The following LILRA1 variants were observed in gnomAD, a reference collection of about 807,000 sequenced individuals.
LILRA1 encodes leukocyte immunoglobulin-like receptor subfamily A member 1.
In LILRA1, 51 loss-of-function variants were observed where a neutral mutation model predicts 51.6. The ratio of observed to expected loss-of-function variants is 0.99; its 90% CI spans 0.79 to 1.25. The LOEUF is 1.25. Among genes scored for constraint, LILRA1 ranks in the 50% most tolerant of loss-of-function variants. The probability of loss-of-function intolerance (pLI) is 0.00; values close to 1 mark genes in which losing one functional copy is unlikely to be tolerated. For missense variants in LILRA1, 660 were observed against 611.7 expected (o/e 1.08, Z -0.83); for synonymous variants, 305 against 248.4 (o/e 1.23, Z -2.14).
chr19:54,595,839 A>C lies in LILRA1; in HGVS notation c.862A>C (p.Ser288Arg), dbSNP rs2063034690. Residue 288 changes from serine to arginine, a missense_variant, in exon 6 of 10, where the codon AGC (serine) becomes CGC (arginine). By Grantham distance (110) the Ser-to-Arg change is moderately radical. Transcript: ENST00000251372. ...SQANFTLGPV[S>R]RSYGGQYRCS... ...GGCCAACTTCACCCTGGGCCCTGTGAGCCGCTCCTACGGGGGCCAGTACAG... is the reference window on the plus strand; with the variant it reads ...GGCCAACTTCACCCTGGGCCCTGTGCGCCGCTCCTACGGGGGCCAGTACAG... 1 of 1,614,058 alleles carries C rather than the reference A, an allele frequency of 6.2e-7. No homozygotes were observed.
At chr19:54,598,864 T>C (rs906454768) in intron 7 of LILRA1, among the ~76,000 whole-genome samples, 9 of 152,158 alleles carry the variant, frequency 5.9e-5, no homozygotes, top group South Asian at 2.1e-4. Flanking sequence ...GGTGAAATCT[T>C]GGCTCACTGC....
intron 3 of LILRA1, 82 bp from the exon 4 acceptor site, chr19:54,594,583 G>A: frequency 6.2e-7 from 1 of 1,610,264 alleles, no homozygotes. Context: ...GACTGATGGG[G>A]GCATCTGGAG....
At chr19:54,599,991 C>A (rs1278919841) in intron 8 of LILRA1, among the ~76,000 whole-genome samples, 1 of 151,990 alleles carries the variant, frequency 6.6e-6, no homozygotes, top group Non-Finnish European at 1.5e-5. Context: ...GGTGTTACTG[C>A]CTATATGAGG....
Position 54,595,850 on chromosome 19 carries a change from C to T in LILRA1, c.873C>T (p.Tyr291=), listed in dbSNP as rs565937333. 1.7e-3 allele frequency: 2,776 copies of T among 1,613,102 alleles called. 8 individuals are homozygous for T. The South Asian group carries it at 0.027, about 16-fold the overall frequency. The part of the protein sequence containing the change: ...NFTLGPVSRS[Y]GGQYRCSGAY... ...CCCTGGGCCCTGTGAGCCGCTCCTA[C>T]GGGGGCCAGTACAGATGCTCCGGTG... The change falls in exon 6 of 10, where the codon TAC becomes TAT. Residue 291 remains tyrosine, a synonymous_variant. Transcript: ENST00000251372.
Position 54,602,352 on chromosome 19 carries a change from C to A in LILRA1, c.*1535C>A, listed in dbSNP as rs1309943607. Among the ~76,000 whole-genome samples the A allele has an allele frequency of 6.6e-6, 1 of 152,186 alleles. No homozygotes were observed. Among genetic ancestry groups the A allele is most frequent in the African/African-American group, 2.4e-5 (1 of 41,446 alleles). ...GAAATGTTATCATTTGCCATCTACC[C>A]TCTAGAATAAAGAAATCTTATTAAG... On this transcript the variant is annotated 3_prime_UTR_variant, in exon 10 of 10. Transcript: ENST00000251372.
At chr19:54,596,545 C>T in intron 7 of LILRA1, 54 bp downstream of exon 7, 56 of 1,603,086 alleles carry the variant, frequency 3.5e-5, no homozygotes, top group Non-Finnish European at 4.4e-5. Flanking sequence ...TCAGGCCCTG[C>T]CCCCCAGGAG....
In LILRA1 at chr19:54,596,270, A is replaced by C. The variant is rs764567082; in HGVS notation, c.1040A>C (p.Gln347Pro). The part of the protein sequence containing the change: ...ASGENVTLLC[Q>P]SWGPFHTFLL... The stretch of plus-strand genomic sequence containing the variant: ...GGAGAGAACGTGACCCTGCTGTGTC[A>C]GTCATGGGGGCCGTTCCACACTTTC... The change falls in exon 7 of 10, where the codon CAG (glutamine) becomes CCG (proline). Residue 347 changes from glutamine (Q) to proline (P), a missense_variant. Coordinates refer to ENST00000251372, the MANE Select transcript of LILRA1 (RefSeq NM_006863.4). The C allele has an allele frequency of 5.6e-6, 9 of 1,613,952 alleles. No individual in the cohort carries two copies. The South Asian group carries it at 9.9e-5, about 18-fold the overall frequency.
rs1188131374 is a variant in LILRA1 at position 54,600,596 on chromosome 19, G to GGA, written c.1351+47_1351+48insAG. 3 of 1,613,304 alleles carry GGA rather than the reference G, an allele frequency of 1.9e-6. 1 individual carries two copies. In the Admixed American group the frequency reaches 5.0e-5, roughly 27 times the overall value. On this transcript the variant is annotated intron_variant, in intron 9 of 9. Coordinates refer to ENST00000251372, the MANE Select transcript of LILRA1 (RefSeq NM_006863.4). ...GTTTACGGTGCTGGGCACAAGGGTT[G>GGA]GGTCCTGTCAAGGGTAAGGAGGTGC...
At chr19:54,599,136 C>T in intron 7 of LILRA1, 100 bp from the exon 8 acceptor site, 1 of 1,330,532 alleles carries the variant, frequency 7.5e-7, no homozygotes, top group Non-Finnish European at 1.0e-6. Context: ...ACCCACCTCT[C>T]CTTGACAGGG....
Position 54,600,678 on chromosome 19 carries a change from C to T in LILRA1, c.1352-21C>T, listed in dbSNP as rs759612960. The T allele has an allele frequency of 4.3e-6, 7 of 1,613,702 alleles. No homozygotes were observed. The African/African-American group carries it at 5.3e-5, about 12-fold the overall frequency. On this transcript the variant is annotated intron_variant, in intron 9 of 9. Transcript: ENST00000251372. ...GTTGATCTGCCCTGACCTCTGTGAC[C>T]TCTTTGCCCACCATCCCCAGCCTCA...
chr19:54,598,006 A>T (rs1210846956), intron 7 of LILRA1, among the ~76,000 whole-genome samples: 1 of 149,586 alleles, frequency 6.7e-6, no homozygotes, highest in African/African-American at 2.5e-5. Flanking sequence ...TTTTGGGTGG[A>T]CTCAACCCTC....
rs370653950 is a variant in LILRA1, at chr19:54,600,742, G to A, written c.1395G>A (p.Met465Ile). 19 of 1,613,978 alleles carry A rather than the reference G, an allele frequency of 1.2e-5. No homozygotes were observed. The African/African-American group carries it at 2.1e-4, about 18-fold the overall frequency. ...QDYTVENLIR[M>I]GIAGLVLVVL... The stretch of plus-strand genomic sequence containing the variant: ...ACACAGTGGAGAATCTCATCCGCAT[G>A]GGCATAGCTGGCTTGGTCCTGGTGG... The change falls in exon 10 of 10, where the codon ATG becomes ATA. Residue 465 changes from methionine (M) to isoleucine (I), a missense_variant. Transcript: ENST00000251372.
intron 7 of LILRA1, 104 bp from the exon 8 acceptor site, chr19:54,599,132 C>T: frequency 7.6e-7 from 1 of 1,313,660 alleles, no homozygotes; most frequent in Non-Finnish European, 1.0e-6. Context: ...GGACACCCAC[C>T]TCTCCTTGAC....
chr19:54,594,294 G>C lies in LILRA1; in HGVS notation c.34+16G>C, dbSNP rs192505529. On this transcript the variant is annotated intron_variant, in intron 2 of 9. Coordinates refer to ENST00000251372, the MANE Select transcript of LILRA1 (RefSeq NM_006863.4). ...ATCTGTCTCAGTGAGATTTGAAGAGGGAGGGGAGCTTCTAACCTAGGAGGG... is the reference window on the plus strand; with the variant it reads ...ATCTGTCTCAGTGAGATTTGAAGAGCGAGGGGAGCTTCTAACCTAGGAGGG... The C allele has an allele frequency of 6.8e-4, 1,095 of 1,612,806 alleles. 13 individuals carry two copies. In the African/African-American group the frequency reaches 0.012, roughly 18 times the overall value.
At position 54,600,535 on chromosome 19, in the gene LILRA1, T is replaced by C. The variant is rs756826730; in HGVS notation, c.1336T>C (p.Ser446Pro). The C allele has an allele frequency of 1.9e-6, 3 of 1,613,858 alleles. No homozygotes were observed. In the South Asian group the frequency reaches 3.3e-5, roughly 18 times the overall value. Residue 446 changes from serine to proline, a missense_variant, in exon 9 of 10, where the codon TCA (serine) becomes CCA (proline). Physicochemically the swap from Ser to Pro is moderately conservative, Grantham distance 74. Coordinates refer to ENST00000251372, the MANE Select transcript of LILRA1 (RefSeq NM_006863.4). ...KAGAANTLSPSQNKTASHPQD... is the reference protein window; with the variant it reads ...KAGAANTLSPPQNKTASHPQD... ...AGGAGCAGCTAACACCCTCAGCCCA[T>C]CACAAAACAAGACTGGTGAGTGAGG...
rs557903710 is a variant in LILRA1, at chr19:54,595,261, A to T, written c.520A>T (p.Thr174Ser). Residue 174 changes from threonine (T) to serine (S), a missense_variant, in exon 5 of 10, where the codon ACC (threonine) becomes TCC (serine). Thr to Ser is a moderately conservative substitution (Grantham distance 58). Coordinates refer to ENST00000251372, the MANE Select transcript of LILRA1 (RefSeq NM_006863.4). ...HPQCLNSQPR[T>S]HGWSRAIFSV... is the part of the protein sequence containing the mutation. ...ACAATGCCTGAACTCACAGCCCCGT[A>T]CCCATGGGTGGTCCCGGGCCATCTT... The T allele has an allele frequency of 6.2e-7, 1 of 1,613,422 alleles. No homozygotes were observed.
Position 54,600,849 on chromosome 19 carries a change from G to A in LILRA1, c.*32G>A. The A allele has an allele frequency of 6.2e-7, 1 of 1,610,948 alleles. No individual in the cohort carries two copies. The highest frequency in any genetic ancestry group is 8.5e-7 in the Non-Finnish European group (1 of 1,177,086). On this transcript the variant is annotated 3_prime_UTR_variant, in exon 10 of 10. Transcript: ENST00000251372. ...GCCGGGAGGTGAACAGCAGAGAGAA[G>A]AATGTACCCTTCAGAGTGGTGGAGC...
At position 54,596,541 on chromosome 19, in the gene LILRA1, C is replaced by T. The variant is rs776506341; in HGVS notation, c.1261+50C>T. The T allele has an allele frequency of 1.2e-5, 20 of 1,610,694 alleles. No homozygotes were observed. In the East Asian group the frequency reaches 3.3e-4, roughly 27 times the overall value. ...CCGAGCTCAAAGGATCAGCTCAGGCCCTGCCCCCCAGGAGAGCTCTGGACA... is the reference window on the plus strand; with the variant it reads ...CCGAGCTCAAAGGATCAGCTCAGGCTCTGCCCCCCAGGAGAGCTCTGGACA... On this transcript the variant is annotated intron_variant, in intron 7 of 9. Coordinates refer to ENST00000251372, the MANE Select transcript of LILRA1 (RefSeq NM_006863.4).
At chr19:54,594,643 C>T in intron 3 of LILRA1, 22 bp from the exon 4 acceptor site, 1 of 1,611,012 alleles carries the variant, frequency 6.2e-7, no homozygotes, top group Admixed American at 1.7e-5. Flanking sequence ...GACTTAGAAT[C>T]TGAACTCTGA....
Sources: gnomAD v4.1 joint callset for allele counts (sites outside exome capture counted in the v4.1 genomes callset) on GRCh38, gnomAD v4.1.1 for gene constraint, MANE v1.5 for transcripts, NCBI Gene and HGNC (gene_info 2026-07-23, HGNC 2026-07-21) for gene names.